Variants in RAP1GDS1 observed in about 807,000 individuals in gnomAD.
RAP1GDS1 encodes Rap1 GTPase-GDP dissociation stimulator 1.
In RAP1GDS1, 35 loss-of-function variants were observed where a neutral mutation model predicts 71.1. The ratio of observed to expected loss-of-function variants is 0.49; its 90% CI spans 0.38 to 0.65. The LOEUF is 0.65. Among genes scored for constraint, RAP1GDS1 ranks in the 30% least tolerant of loss-of-function variants. The pLI, the probability that RAP1GDS1 is intolerant of heterozygous loss-of-function variation, is 0.00. For missense variants in RAP1GDS1, 663 were observed against 706.1 expected (o/e 0.94, Z 0.69); for synonymous variants, 229 against 243.1 (o/e 0.94, Z 0.54).
intron 1 of RAP1GDS1, among the ~76,000 whole-genome samples, chr4:98,264,498 A>G (rs1346935153): frequency 2.0e-5 from 3 of 152,224 alleles, no homozygotes; most frequent in Non-Finnish European, 4.4e-5. Context: ...TATTTTATGT[A>G]TATGTCATAT....
intron 3 of RAP1GDS1, among the ~76,000 whole-genome samples, chr4:98,350,206 T>C (rs1736958225): frequency 1.3e-5 from 2 of 152,198 alleles, no homozygotes; most frequent in Admixed American, 6.5e-5. Flanking sequence ...TTCTTCAATG[T>C]TGCCATTGCC....
In RAP1GDS1 at chr4:98,379,046, G is replaced by T. The variant is rs751196579; in HGVS notation, c.391G>T (p.Gly131Cys). Residue 131 changes from glycine to cysteine, a missense_variant, in exon 5 of 15, where the codon GGT becomes TGT. Transcript: ENST00000408927. ...HEGRSAVDQAGGAQIVIDHLR... is the reference protein window; with the variant it reads ...HEGRSAVDQACGAQIVIDHLR... ...GGGCAGAAGTGCAGTTGACCAAGCA[G>T]GTGGTGCACAGATTGTAATTGACCA... is the stretch of plus-strand genomic sequence containing the variant. The T allele has an allele frequency of 6.2e-7, 1 of 1,604,742 alleles. No homozygotes were observed. Among genetic ancestry groups the T allele is most frequent in the Non-Finnish European group, 8.5e-7 (1 of 1,176,066 alleles).
chr4:98,299,360 A>G (rs147018176), intron 2 of RAP1GDS1, among the ~76,000 whole-genome samples: 83 of 152,322 alleles, frequency 5.4e-4, no homozygotes, highest in East Asian at 1.9e-3. Context: ...CAGTGCTGCA[A>G]TAAACATACG....
At chr4:98,431,592 C>T (rs1750414878) in intron 12 of RAP1GDS1, among the ~76,000 whole-genome samples, 1 of 152,222 alleles carries the variant, frequency 6.6e-6, no homozygotes, top group South Asian at 2.1e-4. Flanking sequence ...ATCAGCCAAA[C>T]TGCCTAGGTT....
chr4:98,318,818 C>T (rs954242370), intron 2 of RAP1GDS1, among the ~76,000 whole-genome samples: 1 of 152,202 alleles, frequency 6.6e-6, no homozygotes, highest in Non-Finnish European at 1.5e-5. Flanking sequence ...TGTGAGATTT[C>T]ATTATGCAAC....
intron 2 of RAP1GDS1, among the ~76,000 whole-genome samples, chr4:98,322,866 A>G (rs1324179756): frequency 7.7e-6 from 1 of 129,058 alleles, no homozygotes; most frequent in Non-Finnish European, 1.5e-5. Flanking sequence ...AAGAACTAGA[A>G]AAGCAAGAGC....
At chr4:98,433,556 C>T (rs576558469) in intron 12 of RAP1GDS1, among the ~76,000 whole-genome samples, 2 of 152,222 alleles carry the variant, frequency 1.3e-5, no homozygotes, top group Admixed American at 6.5e-5. Context: ...CTGGGATTAA[C>T]GTCCTGAGCC....
At chr4:98,313,939 C>T (rs185040149) in intron 2 of RAP1GDS1, among the ~76,000 whole-genome samples, 15 of 152,132 alleles carry the variant, frequency 9.9e-5, no homozygotes, top group Admixed American at 5.9e-4. Flanking sequence ...GAAATTGGGT[C>T]GTTGTTTTGT....
intron 1 of RAP1GDS1, among the ~76,000 whole-genome samples, chr4:98,277,321 A>T (rs1433336130): frequency 6.6e-6 from 1 of 152,174 alleles, no homozygotes; most frequent in African/African-American, 2.4e-5. Context: ...TAACATTTTT[A>T]AAAAGACACT....
chr4:98,289,430 T>C lies in RAP1GDS1; in HGVS notation c.5-3978T>C, dbSNP rs1387776658. On this transcript the variant is annotated intron_variant, in intron 1 of 14. Coordinates refer to ENST00000408927, the MANE Select transcript of RAP1GDS1 (RefSeq NM_001100427.2). The stretch of plus-strand genomic sequence containing the variant: ...TCTCACAATTGTGAAAATGAAAGTG[T>C]GCTTGGGAAAAAGCCAATAATGTGG... Among the ~76,000 whole-genome samples the C allele has an allele frequency of 2.6e-5, 4 of 152,058 alleles. No homozygotes were observed. In the East Asian group the frequency reaches 7.7e-4, roughly 29 times the overall value.
chr4:98,397,475 C>G (rs1744710851), intron 6 of RAP1GDS1, among the ~76,000 whole-genome samples: 1 of 152,012 alleles, frequency 6.6e-6, no homozygotes, highest in African/African-American at 2.4e-5. Flanking sequence ...CCGACCCACT[C>G]TCTAAAAACA....
At chr4:98,300,852 G>A (rs951835894) in intron 2 of RAP1GDS1, among the ~76,000 whole-genome samples, 2 of 152,166 alleles carry the variant, frequency 1.3e-5, no homozygotes, top group Non-Finnish European at 2.9e-5. Context: ...TGTACAGAAG[G>A]TGTTAATCTA....
At chr4:98,357,713 A>C (rs1738155850) in intron 4 of RAP1GDS1, among the ~76,000 whole-genome samples, 1 of 151,920 alleles carries the variant, frequency 6.6e-6, no homozygotes, top group Non-Finnish European at 1.5e-5. Context: ...CAAATAGTGC[A>C]TTGCTTAGAA....
At chr4:98,345,953 T>G (rs1317354846) in intron 3 of RAP1GDS1, among the ~76,000 whole-genome samples, 1 of 152,172 alleles carries the variant, frequency 6.6e-6, no homozygotes, top group East Asian at 1.9e-4. Context: ...AAAGTTGAAC[T>G]GCTTTATGTC....
intron 7 of RAP1GDS1, among the ~76,000 whole-genome samples, chr4:98,412,741 A>G (rs1747252022): frequency 6.6e-6 from 1 of 152,110 alleles, no homozygotes; most frequent in Admixed American, 6.5e-5. Flanking sequence ...GTACAAAAAG[A>G]GGAATTCTAC....
chr4:98,408,994 C>T (rs1463374344), intron 7 of RAP1GDS1, among the ~76,000 whole-genome samples: 3 of 151,938 alleles, frequency 2.0e-5, no homozygotes, highest in East Asian at 1.9e-4. Flanking sequence ...TCCCCGCTTC[C>T]ATTTAACATT....
At chr4:98,389,134 A>G (rs961550752) in intron 5 of RAP1GDS1, among the ~76,000 whole-genome samples, 8 of 152,198 alleles carry the variant, frequency 5.3e-5, no homozygotes, top group Admixed American at 2.0e-4. Context: ...ACAAATGTCA[A>G]CACAGTGGCA....
At chr4:98,405,050 A>G (rs1437367303) in intron 7 of RAP1GDS1, among the ~76,000 whole-genome samples, 1 of 152,196 alleles carries the variant, frequency 6.6e-6, no homozygotes, top group Non-Finnish European at 1.5e-5. Flanking sequence ...CCATATTAGT[A>G]ATTTTTCAAA....
chr4:98,302,910 G>A (rs2110299622), intron 2 of RAP1GDS1, among the ~76,000 whole-genome samples: 1 of 152,270 alleles, frequency 6.6e-6, no homozygotes, highest in Non-Finnish European at 1.5e-5. Flanking sequence ...GCCGAGTCTG[G>A]TCATGCATGC....
Sources: allele counts gnomAD v4.1 joint callset (sites outside exome capture counted in the v4.1 genomes callset), GRCh38; gene constraint gnomAD v4.1.1; transcripts MANE v1.5; gene names NCBI Gene and HGNC (gene_info 2026-07-23, HGNC 2026-07-21).